TBC1D8: variants seen among roughly 807,000 people sequenced by gnomAD.
The protein encoded by TBC1D8 is BUB2-like protein 1.
In TBC1D8, 65 loss-of-function variants were observed where a neutral mutation model predicts 118.8. The observed-to-expected ratio is 0.55, with a 90% CI of 0.45 to 0.67. TBC1D8 has a LOEUF of 0.67. TBC1D8 is among the 30% of genes least tolerant of loss of function. TBC1D8 has a pLI of 0.00. For synonymous variants in TBC1D8, 566 were observed against 595.8 expected (o/e 0.95, Z 0.73); for missense variants, 1,376 against 1,471.2 (o/e 0.94, Z 1.06).
chr2:101,131,776 C>T (rs1395744094), intron 1 of TBC1D8, among the ~76,000 whole-genome samples: 1 of 151,904 alleles, frequency 6.6e-6, no homozygotes, highest in African/African-American at 2.4e-5. Flanking sequence ...GATCGTGACA[C>T]GACACTCCAG....
chr2:101,080,129 G>A (rs1331235173), intron 2 of TBC1D8, among the ~76,000 whole-genome samples: 3 of 152,110 alleles, frequency 2.0e-5, no homozygotes, highest in East Asian at 1.9e-4. Context: ...TTGGATGAGT[G>A]TAATTATTTG....
At chr2:101,130,212 G>GC (rs923994118) in intron 1 of TBC1D8, among the ~76,000 whole-genome samples, 8 of 152,180 alleles carry the variant, frequency 5.3e-5, no homozygotes, top group Admixed American at 2.6e-4. Flanking sequence ...AGTCACCTCC[G>GC]GAAGGCTCCT....
At chr2:101,138,169 T>C (rs1678940516) in intron 1 of TBC1D8, among the ~76,000 whole-genome samples, 1 of 152,084 alleles carries the variant, frequency 6.6e-6, no homozygotes, top group African/African-American at 2.4e-5. Context: ...AAATCCACCC[T>C]CATGATCCAA....
At chr2:101,036,215 AC>A (rs755421965) in intron 8 of TBC1D8, 47 bp from the exon 9 acceptor site, 17 of 1,573,372 alleles carry the variant, frequency 1.1e-5, no homozygotes, top group African/African-American at 6.8e-5. Context: ...TGTCCTCACC[AC>A]CCCCCACCCA....
chr2:101,083,170 C>T (rs1675376688), intron 2 of TBC1D8, among the ~76,000 whole-genome samples: 1 of 152,114 alleles, frequency 6.6e-6, no homozygotes, highest in Admixed American at 6.5e-5. Flanking sequence ...CCTTCTCTCC[C>T]ATACTTCCCC....
In TBC1D8 at chr2:101,090,192, A is replaced by G. The variant is rs750930944; in HGVS notation, c.283+17T>C. On this transcript the variant is annotated intron_variant, in intron 2 of 19. Transcript: ENST00000409318. ...ACACCTTAAGGTTTGGAACATTCCAACTGGAACAAAACTCACCAGTGGCTA... is the reference window on the plus strand; with the variant it reads ...ACACCTTAAGGTTTGGAACATTCCAGCTGGAACAAAACTCACCAGTGGCTA... The G allele has an allele frequency of 2.5e-6, 4 of 1,606,820 alleles. No individual in the cohort carries two copies. Among genetic ancestry groups the G allele is most frequent in the Non-Finnish European group, 3.4e-6 (4 of 1,176,328 alleles).
chr2:101,046,577 G>A (rs966362607), intron 5 of TBC1D8, among the ~76,000 whole-genome samples: 1 of 152,150 alleles, frequency 6.6e-6, no homozygotes, highest in African/African-American at 2.4e-5. Flanking sequence ...AGGACTCTGA[G>A]GCAGAGGAGG....
At chr2:101,009,949 G>T (rs1435366210) in intron 19 of TBC1D8, among the ~76,000 whole-genome samples, 1 of 151,552 alleles carries the variant, frequency 6.6e-6, no homozygotes, top group Non-Finnish European at 1.5e-5. Context: ...AGCCTCCCGA[G>T]TAGCTGGGAC....
intron 2 of TBC1D8, 86 bp downstream of exon 2, chr2:101,090,123 G>A (rs1474506742): frequency 1.4e-6 from 2 of 1,436,330 alleles, no homozygotes; most frequent in African/African-American, 1.4e-5. Flanking sequence ...TATCCAAAGG[G>A]GTTACCTTCA....
At chr2:101,098,831 C>A (rs1217746892) in intron 1 of TBC1D8, among the ~76,000 whole-genome samples, 1 of 152,074 alleles carries the variant, frequency 6.6e-6, no homozygotes, top group African/African-American at 2.4e-5. Context: ...AAAAAGACAA[C>A]GTACCAGAAT....
chr2:101,065,478 G>C (rs1170072085), intron 2 of TBC1D8, among the ~76,000 whole-genome samples: 1 of 152,032 alleles, frequency 6.6e-6, no homozygotes, highest in South Asian at 2.1e-4. Flanking sequence ...ATGAAGGAGG[G>C]AAAGGGTTGG....
At chr2:101,144,688 G>A (rs1165485254) in intron 1 of TBC1D8, among the ~76,000 whole-genome samples, 1 of 152,196 alleles carries the variant, frequency 6.6e-6, no homozygotes. Flanking sequence ...TGTAATCCTA[G>A]CACTTTGGAA....
chr2:101,077,100 T>C (rs984506017), intron 2 of TBC1D8, among the ~76,000 whole-genome samples: 20 of 152,212 alleles, frequency 1.3e-4, no homozygotes, highest in Non-Finnish European at 2.9e-5. Flanking sequence ...CTTGGCTCAC[T>C]GCAACCTCCG....
chr2:101,048,876 A>C (rs971807204), intron 5 of TBC1D8, among the ~76,000 whole-genome samples: 1 of 152,202 alleles, frequency 6.6e-6, no homozygotes, highest in Non-Finnish European at 1.5e-5. Flanking sequence ...TTGTCTTTTC[A>C]CAACTTATTT....
chr2:101,077,931 T>C (rs1325472238), intron 2 of TBC1D8, among the ~76,000 whole-genome samples: 1 of 152,180 alleles, frequency 6.6e-6, no homozygotes, highest in Non-Finnish European at 1.5e-5. Context: ...ACAACACTCT[T>C]ACAGAACCTA....
chr2:101,110,410 G>A (rs538294673), intron 1 of TBC1D8, among the ~76,000 whole-genome samples: 5 of 152,092 alleles, frequency 3.3e-5, no homozygotes, highest in Middle Eastern at 3.4e-3. Flanking sequence ...CCTCTTCCCC[G>A]CCCCACTCCC....
chr2:101,089,821 C>T (rs1462447938), intron 2 of TBC1D8, among the ~76,000 whole-genome samples: 5 of 151,110 alleles, frequency 3.3e-5, no homozygotes, highest in Admixed American at 6.6e-5. Flanking sequence ...TGGCTCGATT[C>T]GTTATCGACA....
chr2:101,028,622 C>G (rs1413667561), intron 12 of TBC1D8, 190 bp from the exon 13 acceptor site: 1 of 756,216 alleles, frequency 1.3e-6, no homozygotes, highest in Admixed American at 3.3e-5. Context: ...GTGGATTGGG[C>G]TCCACAGGTG....
At chr2:101,126,831 C>G (rs1034224534) in intron 1 of TBC1D8, among the ~76,000 whole-genome samples, 5 of 152,304 alleles carry the variant, frequency 3.3e-5, no homozygotes, top group South Asian at 4.1e-4. Flanking sequence ...ACGGCCAAGT[C>G]TTGAAGTGAG....
Sources: gnomAD v4.1 joint callset for allele counts (sites outside exome capture counted in the v4.1 genomes callset) on GRCh38, gnomAD v4.1.1 for gene constraint, MANE v1.5 for transcripts, NCBI Gene and HGNC (gene_info 2026-07-23, HGNC 2026-07-21) for gene names.